Variants in ELAPOR2 observed in about 807,000 individuals in gnomAD.
ELAPOR2 encodes endosome/lysosome-associated apoptosis and autophagy regulator family member 2.
Under a neutral mutation model 120.7 loss-of-function variants are expected in ELAPOR2, and 89 were observed. That is an observed-to-expected ratio of 0.74 (90% CI 0.62 to 0.88). The LOEUF (loss-of-function observed/expected upper bound fraction) is 0.88, where lower values mean the gene tolerates loss of function less well. Among genes scored for constraint, ELAPOR2 ranks in the 40% least tolerant of loss-of-function variants. The pLI is 0.00. For missense variants in ELAPOR2, 1,134 were observed against 1,251.6 expected (o/e 0.91, Z 1.42); for synonymous variants, 444 against 444.9 (o/e 1.00, Z 0.03).
At chr7:86,947,570 T>C (rs569277901) in intron 3 of ELAPOR2, among the ~76,000 whole-genome samples, 157 bp downstream of exon 3, 189 of 152,358 alleles carry the variant, frequency 1.2e-3, no homozygotes, top group Non-Finnish European at 2.3e-3. Flanking sequence ...TCATGAAAAC[T>C]CATTGCAATG....
intron 21 of ELAPOR2, among the ~76,000 whole-genome samples, chr7:86,883,023 G>GGTGT (rs55859925): frequency 0.065 from 9,157 of 141,452 alleles, 610 homozygotes; most frequent in African/African-American, 0.17. Context: ...GTTTGAAAGG[G>GGTGT]GTGTGTGTGT....
intron 1 of ELAPOR2, among the ~76,000 whole-genome samples, chr7:86,981,669 T>C (rs1562954052): frequency 6.6e-6 from 1 of 152,200 alleles, no homozygotes; most frequent in African/African-American, 2.4e-5. Flanking sequence ...TGGGAATACT[T>C]ACTTCCCTTA....
At chr7:86,944,254 C>G (rs544861471) in intron 4 of ELAPOR2, among the ~76,000 whole-genome samples, 2 of 152,142 alleles carry the variant, frequency 1.3e-5, no homozygotes, top group African/African-American at 4.8e-5. Context: ...CTGTTTATTA[C>G]TAATGGTTAA....
intron 5 of ELAPOR2, chr7:86,941,314 T>C: frequency 1.9e-6 from 1 of 531,516 alleles, no homozygotes; most frequent in South Asian, 1.4e-5. Context: ...TCCAAAGAGA[T>C]GGTGCCTCAA....
chr7:87,035,206 T>C, intron 1 of ELAPOR2, among the ~76,000 whole-genome samples: 1 of 152,218 alleles, frequency 6.6e-6, no homozygotes. Flanking sequence ...GAACTGCCCC[T>C]TAAATCCAGC....
At position 87,053,389 on chromosome 7, in the gene ELAPOR2, T is replaced by G. The variant is rs75690728; in HGVS notation, c.189+5936A>C. On this transcript the variant is annotated intron_variant, in intron 1 of 21. Coordinates refer to ENST00000450689, the MANE Select transcript of ELAPOR2 (RefSeq NM_001142749.3). ...TCATGTACTAGGGGAGAGATAACAT[T>G]TGTGTATTCAAAGCCTCTGGTAAAA... Among the ~76,000 whole-genome samples, 811 of 152,226 alleles carry G rather than the reference T, an allele frequency of 5.3e-3. 34 individuals carry two copies. The East Asian group carries it at 0.1, about 19-fold the overall frequency.
chr7:86,918,298 T>C (rs1789657003), intron 12 of ELAPOR2, 144 bp downstream of exon 12: 1 of 532,658 alleles, frequency 1.9e-6, no homozygotes, highest in Non-Finnish European at 3.3e-6. Context: ...CATTTGTTAA[T>C]GTTTGTGAAA....
chr7:86,923,628 G>T (rs970875838), intron 10 of ELAPOR2, among the ~76,000 whole-genome samples: 10 of 151,816 alleles, frequency 6.6e-5, no homozygotes, highest in African/African-American at 2.4e-4. Context: ...CCTCATAAGT[G>T]GTATTTTTGG....
chr7:86,933,373 C>T (rs889518550), intron 8 of ELAPOR2, among the ~76,000 whole-genome samples: 1 of 151,952 alleles, frequency 6.6e-6, no homozygotes, highest in African/African-American at 2.4e-5. Context: ...AATTTCCACC[C>T]TGCCCTAATT....
At position 86,907,692 on chromosome 7, in the gene ELAPOR2, C is replaced by A; in HGVS notation, c.2536G>T (p.Ala846Ser). 1 of 1,577,392 alleles carries A rather than the reference C, an allele frequency of 6.3e-7. No homozygotes were observed. The highest frequency in any genetic ancestry group is 8.6e-7 in the Non-Finnish European group (1 of 1,167,884). The change falls in exon 18 of 22, where the codon GCA (alanine) becomes TCA (serine). Residue 846 changes from alanine to serine, a missense_variant. Ala to Ser is a moderately conservative substitution (Grantham distance 99, BLOSUM62 1). Around this residue, in one of 3 missense-constraint regions of ELAPOR2, gnomAD observed 831 missense variants for 867.6 expected, o/e 0.96. Transcript: ENST00000450689. Reference sequence around the variant, plus strand: ...TACCTGGGGACTGAAATCACTCCTGCTCCAGATTTAGTAGGATTACACCTC... The same window carrying A: ...TACCTGGGGACTGAAATCACTCCTGATCCAGATTTAGTAGGATTACACCTC... ...KMRCNPTKSG[A>S]GVISVPSKCP...
intron 8 of ELAPOR2, among the ~76,000 whole-genome samples, chr7:86,929,841 T>C (rs1790248215): frequency 6.6e-6 from 1 of 151,840 alleles, no homozygotes; most frequent in Non-Finnish European, 1.5e-5. Context: ...TCATGAGATC[T>C]GGTTTAAAAG....
Position 86,912,949 on chromosome 7 carries a change from T to G in ELAPOR2, c.1987A>C (p.Asn663His). ...AATGCAGACCCACTTACCTGATTGT[T>G]TTTACTCCCAGGCCCGCATGGAATA... ...ACIPCGPGSK[N>H]NQDHSVCYSD... The change falls in exon 14 of 22, where the codon AAC becomes CAC. Residue 663 changes from asparagine (N) to histidine (H), a missense_variant. Physicochemically the swap from Asn to His is moderately conservative, Grantham distance 68. This residue lies in a region of ELAPOR2 where 831 missense variants were observed against 867.6 expected (regional missense o/e 0.96). Transcript: ENST00000450689. The G allele has an allele frequency of 6.2e-7, 1 of 1,613,864 alleles. No individual in the cohort carries two copies. The highest frequency in any genetic ancestry group is 8.5e-7 in the Non-Finnish European group (1 of 1,179,810).
chr7:86,917,958 C>T (rs1789640757), intron 12 of ELAPOR2, among the ~76,000 whole-genome samples: 1 of 152,122 alleles, frequency 6.6e-6, no homozygotes, highest in Admixed American at 6.5e-5. Context: ...ATTTGTATGA[C>T]ATCTAGAAAA....
chr7:87,040,665 AAACAG>A (rs898344804), intron 1 of ELAPOR2, among the ~76,000 whole-genome samples: 6 of 152,256 alleles, frequency 3.9e-5, no homozygotes, highest in African/African-American at 1.2e-4. Flanking sequence ...AGAGGGGAAA[AAACAG>A]AACAGAACAG....
chr7:87,017,453 T>C (rs1438411326), intron 1 of ELAPOR2, among the ~76,000 whole-genome samples: 3 of 152,198 alleles, frequency 2.0e-5, no homozygotes, highest in Admixed American at 2.0e-4. Flanking sequence ...TAGATGAGTA[T>C]AAAAATGAAT....
At chr7:86,907,816 G>A (rs1789097957) in intron 17 of ELAPOR2, 45 bp from the exon 18 acceptor site, 5 of 1,081,118 alleles carry the variant, frequency 4.6e-6, no homozygotes, top group Admixed American at 5.8e-5. Flanking sequence ...ATATAATACA[G>A]ATTACAAAGA....
chr7:87,007,858 A>C (rs2116653004), intron 1 of ELAPOR2, among the ~76,000 whole-genome samples: 1 of 152,358 alleles, frequency 6.6e-6, no homozygotes, highest in South Asian at 2.1e-4. Flanking sequence ...AGAATCCATC[A>C]GTGCATATTG....
At chr7:87,034,875 G>GA (rs1179321722) in intron 1 of ELAPOR2, among the ~76,000 whole-genome samples, 3 of 152,108 alleles carry the variant, frequency 2.0e-5, no homozygotes, top group Non-Finnish European at 2.9e-5. Context: ...CTAAGGTCAG[G>GA]AATTCGAGAC....
At chr7:86,950,276 A>T (rs1220967883) in intron 2 of ELAPOR2, among the ~76,000 whole-genome samples, 1 of 152,226 alleles carries the variant, frequency 6.6e-6, no homozygotes, top group African/African-American at 2.4e-5. Flanking sequence ...CTTCCTGGAT[A>T]TAGGACAAGA....
Sources: allele counts gnomAD v4.1 joint callset (sites outside exome capture counted in the v4.1 genomes callset), GRCh38; gene constraint gnomAD v4.1.1; regional missense constraint gnomAD v4.1.1; transcripts MANE v1.5; gene names NCBI Gene and HGNC (gene_info 2026-07-23, HGNC 2026-07-21).